SMIM41: variants seen among roughly 807,000 people sequenced by gnomAD.
SMIM41 encodes small integral membrane protein 41.
chr12:52,088,454 A>G (rs1213922658), intron 2 of SMIM41, among the ~76,000 whole-genome samples: 1 of 152,106 alleles, frequency 6.6e-6, no homozygotes. Flanking sequence ...CGGATGGGGA[A>G]GGACTGTGGA....
chr12:52,085,170 G>A (rs2120653182), intron 2 of SMIM41, among the ~76,000 whole-genome samples: 1 of 152,348 alleles, frequency 6.6e-6, no homozygotes, highest in East Asian at 1.9e-4. Flanking sequence ...AAAAGTCTAA[G>A]GGTGGTTCTG....
chr12:52,085,929 G>A (rs1939885974), intron 2 of SMIM41, among the ~76,000 whole-genome samples: 1 of 152,192 alleles, frequency 6.6e-6, no homozygotes, highest in South Asian at 2.1e-4. Flanking sequence ...TCCTTGAGTT[G>A]GAGGCAAGCT....
At position 52,081,371 on chromosome 12, in the gene SMIM41, G is replaced by A. The variant is rs1939816851; in HGVS notation, c.*120+1190G>A. Among the ~76,000 whole-genome samples the A allele has an allele frequency of 6.6e-6, 1 of 152,124 alleles. No homozygotes were observed. The highest frequency in any genetic ancestry group is 2.4e-5 in the African/African-American group (1 of 41,412). On this transcript the variant is annotated intron_variant, in intron 1 of 2. Coordinates refer to ENST00000546390, the MANE Select transcript of SMIM41 (RefSeq NM_001369216.1). The surrounding 1 kb of genome is among the most constrained non-coding windows in gnomAD (Gnocchi z 4.1). ...AGTGCCTGTGAGGGGCAGCGGGAGGGTGTGGGCAGGTGCAGCTAAGCAGCT... is the reference window on the plus strand; with the variant it reads ...AGTGCCTGTGAGGGGCAGCGGGAGGATGTGGGCAGGTGCAGCTAAGCAGCT...
intron 2 of SMIM41, among the ~76,000 whole-genome samples, chr12:52,096,500 TTTA>T (rs996388273): frequency 3.3e-5 from 5 of 151,918 alleles, no homozygotes; most frequent in South Asian, 2.1e-4. Flanking sequence ...TTATTACTCA[TTTA>T]TTATTAACAT....
chr12:52,092,669 A>G (rs1008313662), intron 2 of SMIM41: 1 of 152,224 alleles, frequency 6.6e-6, no homozygotes, highest in South Asian at 2.1e-4. Flanking sequence ...TTTGGGAAAC[A>G]TTCTAAAACC....
intron 2 of SMIM41, among the ~76,000 whole-genome samples, chr12:52,087,191 C>T (rs1173461140): frequency 6.6e-6 from 1 of 152,234 alleles, no homozygotes; most frequent in Non-Finnish European, 1.5e-5. Flanking sequence ...GCCTCCGCCT[C>T]TGCAGCCCCT....
At chr12:52,087,122 T>G (rs927750441) in intron 2 of SMIM41, among the ~76,000 whole-genome samples, 5 of 152,154 alleles carry the variant, frequency 3.3e-5, no homozygotes, top group African/African-American at 1.2e-4. Context: ...CCAACTCTGC[T>G]CAGGTGCCCT....
chr12:52,102,430 T>C (rs879290047), intron 2 of SMIM41, among the ~76,000 whole-genome samples: 1 of 152,178 alleles, frequency 6.6e-6, no homozygotes, highest in African/African-American at 2.4e-5. Context: ...CACTGTGAAC[T>C]GAGTGAAAAG....
At position 52,088,958 on chromosome 12, in the gene SMIM41, C is replaced by T. The variant is rs529994079; in HGVS notation, c.*195+4990C>T. 5.9e-5 allele frequency among the ~76,000 whole-genome samples: 9 copies of T among 152,058 alleles called. No homozygotes were observed. In the South Asian group the frequency reaches 1.7e-3, roughly 28 times the overall value. On this transcript the variant is annotated intron_variant, in intron 2 of 2. Transcript: ENST00000546390. ...ACCCCTCTGCCAGGCACCGAGTCTT[C>T]AGTGGCCGTGGAGGAGTGCTAGGCT...
At chr12:52,085,993 C>G (rs1179998642) in intron 2 of SMIM41, among the ~76,000 whole-genome samples, 1 of 152,166 alleles carries the variant, frequency 6.6e-6, no homozygotes, top group Non-Finnish European at 1.5e-5. Context: ...GAGTTCTGAG[C>G]CCTGATGCTG....
intron 1 of SMIM41, among the ~76,000 whole-genome samples, chr12:52,080,385 C>A (rs796306468): frequency 2.6e-5 from 4 of 152,292 alleles, no homozygotes; most frequent in African/African-American, 9.6e-5. Flanking sequence ...GAGGAGGCCG[C>A]CCCGCCCCGG....
rs561300893 is a variant in SMIM41, at chr12:52,100,890, A to C, written c.*196-6489A>C. ...GGAAGTAGAAAAGAATAAAATGGGCACAGTATCCCTAAAGTTTCGCATTCT... is the reference window on the plus strand; with the variant it reads ...GGAAGTAGAAAAGAATAAAATGGGCCCAGTATCCCTAAAGTTTCGCATTCT... On this transcript the variant is annotated intron_variant, in intron 2 of 2. Coordinates refer to ENST00000546390, the MANE Select transcript of SMIM41 (RefSeq NM_001369216.1). Among the ~76,000 whole-genome samples the C allele has an allele frequency of 1.7e-4, 26 of 152,350 alleles. No homozygotes were observed. In the South Asian group the frequency reaches 3.5e-3, roughly 21 times the overall value.
chr12:52,103,264 T>G (rs1409204047), intron 2 of SMIM41, among the ~76,000 whole-genome samples: 1 of 148,350 alleles, frequency 6.7e-6, no homozygotes, highest in Non-Finnish European at 1.5e-5. Flanking sequence ...GAGGTGGAGG[T>G]TGCAGTGAGC....
intron 1 of SMIM41, among the ~76,000 whole-genome samples, chr12:52,080,876 A>C (rs1436749335): frequency 1.3e-5 from 2 of 149,290 alleles, no homozygotes; most frequent in Non-Finnish European, 3.0e-5. Flanking sequence ...GGTCGTGGGG[A>C]GGGGGTGGTG....
chr12:52,090,166 G>C (rs957279542), intron 2 of SMIM41, among the ~76,000 whole-genome samples: 1 of 152,102 alleles, frequency 6.6e-6, no homozygotes, highest in African/African-American at 2.4e-5. Flanking sequence ...CACCTCCCGG[G>C]TTCAAGCGAT....
chr12:52,080,077 CG>C lies in SMIM41; in HGVS notation c.*18del, dbSNP rs968283543. The C allele has an allele frequency of 5.6e-6, 2 of 356,750 alleles. No homozygotes were observed. Among genetic ancestry groups the C allele is most frequent in the Admixed American group, 9.4e-5 (2 of 21,326 alleles). The allele number at this position is 356,750 out of a possible 1,614,324, so 22.1% of individuals were successfully genotyped here. On this transcript the variant is annotated 3_prime_UTR_variant, in exon 1 of 3. Transcript: ENST00000546390. Reference sequence around the variant, plus strand: ...CGACTCCTAGGCGCCCGGCTGCGCTCGGTGGTCGCGGCCTCCAGGCAGCCCC... The same window carrying C: ...CGACTCCTAGGCGCCCGGCTGCGCTCGTGGTCGCGGCCTCCAGGCAGCCCC...
At chr12:52,086,643 C>T (rs1001133763) in intron 2 of SMIM41, among the ~76,000 whole-genome samples, 1 of 152,218 alleles carries the variant, frequency 6.6e-6, no homozygotes, top group African/African-American at 2.4e-5. Flanking sequence ...GGGTGTCCAC[C>T]TGCCCTGGCT....
intron 2 of SMIM41, chr12:52,087,681 C>CTG (rs1308952340): frequency 6.6e-6 from 1 of 152,278 alleles, no homozygotes; most frequent in East Asian, 1.9e-4. Context: ...CTGCCACTTG[C>CTG]TGTGTGAGTT....
chr12:52,095,293 G>A (rs1253893766), intron 2 of SMIM41, among the ~76,000 whole-genome samples: 3 of 151,180 alleles, frequency 2.0e-5, no homozygotes, highest in Non-Finnish European at 4.4e-5. Context: ...CTCCCCCACT[G>A]GATATTACGA....
Sources: gnomAD v4.1 joint callset for allele counts (sites outside exome capture counted in the v4.1 genomes callset) on GRCh38, gnomAD v4.1.1 for gene constraint, Gnocchi (gnomAD v3.1) non-coding constraint, MANE v1.5 for transcripts, NCBI Gene and HGNC (gene_info 2026-07-23, HGNC 2026-07-21) for gene names.